The following SHISA9 variants were observed in gnomAD, a reference collection of about 807,000 sequenced individuals.
SHISA9 encodes the protein protein shisa-9.
Under a neutral mutation model 38.0 loss-of-function variants are expected in SHISA9, and 13 were observed. The ratio of observed to expected loss-of-function variants is 0.34; its 90% CI spans 0.22 to 0.54. The LOEUF is 0.54. Among genes scored for constraint, SHISA9 ranks in the 20% least tolerant of loss-of-function variants. The pLI, the probability that SHISA9 is intolerant of heterozygous loss-of-function variation, is 0.91. For synonymous variants in SHISA9, 275 were observed against 242.0 expected, an observed-to-expected ratio of 1.14 and a Z score of -1.27; for missense variants, 538 against 575.8, an observed-to-expected ratio of 0.93 and a Z score of 0.67.
intron 2 of SHISA9, among the ~76,000 whole-genome samples, chr16:13,149,672 C>T (rs552865525): frequency 1.3e-5 from 2 of 152,094 alleles, no homozygotes; most frequent in South Asian, 4.2e-4. Context: ...CACCTGTAAT[C>T]CCAGCATTTT....
chr16:13,188,051 G>A (rs1190431335), intron 2 of SHISA9, among the ~76,000 whole-genome samples: 3 of 152,090 alleles, frequency 2.0e-5, no homozygotes. Context: ...TATTTTGGGG[G>A]AAAAGCTGAG....
intron 4 of SHISA9, among the ~76,000 whole-genome samples, chr16:13,231,627 G>T (rs2051332380): frequency 6.6e-6 from 1 of 152,142 alleles, no homozygotes; most frequent in Non-Finnish European, 1.5e-5. Context: ...GGAGCTATTT[G>T]CATTACAAGG....
chr16:13,118,974 C>T (rs1165786889), intron 2 of SHISA9, among the ~76,000 whole-genome samples: 1 of 151,986 alleles, frequency 6.6e-6, no homozygotes, highest in Non-Finnish European at 1.5e-5. Context: ...TCAGGTGATC[C>T]ACTCACCTCG....
At chr16:12,982,673 G>T (rs937843146) in intron 2 of SHISA9, among the ~76,000 whole-genome samples, 1 of 152,152 alleles carries the variant, frequency 6.6e-6, no homozygotes, top group African/African-American at 2.4e-5. Flanking sequence ...GGCTAGACCA[G>T]GTTTAGTTTT....
At chr16:13,249,897 A>G in the SHISA9 span, among the ~76,000 whole-genome samples, 2 of 152,038 alleles carry the variant, frequency 1.3e-5, no homozygotes, top group Admixed American at 1.3e-4. Flanking sequence ...CTGCCCAGCT[A>G]AATTTTTAAA....
the SHISA9 span, among the ~76,000 whole-genome samples, chr16:13,449,419 T>A: frequency 6.6e-6 from 1 of 152,198 alleles, no homozygotes; most frequent in Non-Finnish European, 1.5e-5. Context: ...TATTTGGGGA[T>A]AAAAGTCAGA....
At chr16:13,380,162 A>G in the SHISA9 span, among the ~76,000 whole-genome samples, 1 of 152,156 alleles carries the variant, frequency 6.6e-6, no homozygotes, top group Non-Finnish European at 1.5e-5. Flanking sequence ...ATCCTCAAAA[A>G]AAAATAGAAG....
chr16:13,476,742 T>TTG, the SHISA9 span, among the ~76,000 whole-genome samples: 22 of 105,070 alleles, frequency 2.1e-4, no homozygotes, highest in Middle Eastern at 4.1e-3. Flanking sequence ...TTTTGTGTTT[T>TTG]TTTTTTTTTT....
chr16:12,905,291 C>T (rs1001611205), intron 1 of SHISA9, among the ~76,000 whole-genome samples: 4 of 152,158 alleles, frequency 2.6e-5, no homozygotes, highest in South Asian at 2.1e-4. Flanking sequence ...CATTACCAGT[C>T]TCCTGGTTTT....
rs555921615 is a variant in SHISA9, at chr16:13,200,730, T to G, written c.692-2664T>G. Among the ~76,000 whole-genome samples the G allele has an allele frequency of 2.7e-4, 36 of 133,706 alleles. 8 individuals carry two copies. The highest frequency in any genetic ancestry group is 1.0e-3 in the African/African-American group (35 of 34,276). 87.7% of individuals were successfully genotyped at this position (133,706 alleles called of 152,430 possible). ...AAAGCTATCGTGGTAGAAGGATACA[T>G]GCGTCTCTCCAGACGTTGGCCAAAG... On this transcript the variant is annotated intron_variant, in intron 2 of 4. Transcript: ENST00000558583.
the SHISA9 span, among the ~76,000 whole-genome samples, chr16:13,455,094 A>T: frequency 6.6e-6 from 1 of 152,178 alleles, no homozygotes; most frequent in East Asian, 1.9e-4. Flanking sequence ...GAGTATGCCC[A>T]AATATATATA....
chr16:12,933,146 A>G (rs767001433), intron 2 of SHISA9, among the ~76,000 whole-genome samples: 1 of 152,196 alleles, frequency 6.6e-6, no homozygotes, highest in Admixed American at 6.5e-5. Flanking sequence ...GAATGAATAT[A>G]TGAATGAATA....
At chr16:13,085,497 T>C (rs1245413131) in intron 2 of SHISA9, among the ~76,000 whole-genome samples, 1 of 152,224 alleles carries the variant, frequency 6.6e-6, no homozygotes, top group African/African-American at 2.4e-5. Context: ...AAAATAAGGC[T>C]AGGACTTCGC....
the SHISA9 span, among the ~76,000 whole-genome samples, chr16:13,328,555 G>A: frequency 6.7e-6 from 1 of 150,022 alleles, no homozygotes; most frequent in African/African-American, 2.5e-5. Flanking sequence ...TAGAATTACA[G>A]GTGCCCACCA....
At chr16:12,957,845 C>T (rs1260121025) in intron 2 of SHISA9, among the ~76,000 whole-genome samples, 6 of 152,200 alleles carry the variant, frequency 3.9e-5, no homozygotes, top group East Asian at 1.9e-4. Flanking sequence ...GCCACCTTCT[C>T]GCTGTGTCCT....
intron 3 of SHISA9, among the ~76,000 whole-genome samples, chr16:13,206,449 C>A (rs560989999): frequency 3.9e-5 from 6 of 152,176 alleles, no homozygotes; most frequent in Non-Finnish European, 8.8e-5. Flanking sequence ...AGCACTGACA[C>A]AACCATGTGT....
chr16:12,934,722 A>G (rs2071506461), intron 2 of SHISA9, among the ~76,000 whole-genome samples: 1 of 152,202 alleles, frequency 6.6e-6, no homozygotes, highest in Admixed American at 6.5e-5. Flanking sequence ...CGCTTACCAA[A>G]GGAAGTGAAA....
intron 2 of SHISA9, among the ~76,000 whole-genome samples, chr16:13,009,243 G>A (rs1010079906): frequency 8.5e-5 from 13 of 152,104 alleles, no homozygotes; most frequent in Admixed American, 1.3e-4. Flanking sequence ...GGGAGTCGTC[G>A]ACTCCAGGCA....
chr16:13,217,196 C>A (rs973220394), intron 4 of SHISA9, among the ~76,000 whole-genome samples: 1 of 151,836 alleles, frequency 6.6e-6, no homozygotes, highest in African/African-American at 2.4e-5. Flanking sequence ...GAGAATGGCG[C>A]GAACCCGGGA....
Sources: allele counts gnomAD v4.1 joint callset (sites outside exome capture counted in the v4.1 genomes callset), GRCh38; gene constraint gnomAD v4.1.1; transcripts MANE v1.5; gene names NCBI Gene and HGNC (gene_info 2026-07-23, HGNC 2026-07-21).